Variants in ZSCAN25 observed in about 807,000 individuals in gnomAD.
The protein encoded by ZSCAN25 is zinc finger and SCAN domain containing 25.
ZSCAN25 carries 27 observed loss-of-function variants against 38.7 expected under a neutral mutation model. That is an observed-to-expected ratio of 0.70 (90% CI 0.51 to 0.96). The LOEUF (loss-of-function observed/expected upper bound fraction) is 0.96. Among genes scored for constraint, ZSCAN25 ranks in the 40% least tolerant of loss-of-function variants. The pLI is 0.00. For synonymous variants in ZSCAN25, 273 were observed against 277.7 expected (o/e 0.98, Z 0.17); for missense variants, 637 against 705.9 (o/e 0.90, Z 1.11).
chr7:99,629,597 G>A lies in ZSCAN25; in HGVS notation c.1212G>A (p.Val404=), dbSNP rs1392809625. The A allele has an allele frequency of 1.2e-6, 2 of 1,614,150 alleles. No homozygotes were observed. Among genetic ancestry groups the A allele is most frequent in the African/African-American group, 1.3e-5 (1 of 75,050 alleles). ...QRTHLGKRPY[V]CSECWKTFSQ... ...CCCACCTGGGAAAGAGGCCCTACGT[G>A]TGCAGCGAGTGCTGGAAAACCTTCA... is the stretch of plus-strand genomic sequence containing the variant. The change falls in exon 8 of 8, where the codon GTG becomes GTA. Residue 404 remains valine (V), a synonymous_variant. Transcript: ENST00000394152. The surrounding 1 kb of genome is among the most constrained non-coding windows in gnomAD (Gnocchi z 5.6).
the ZSCAN25 span, chr7:99,710,826 C>T: frequency 6.2e-7 from 1 of 1,613,858 alleles, no homozygotes; most frequent in Non-Finnish European, 8.5e-7. Flanking sequence ...GAGAACACTG[C>T]TCGTGGTTTC....
the ZSCAN25 span, among the ~76,000 whole-genome samples, chr7:99,664,999 T>C: frequency 0.03 from 4,506 of 152,242 alleles, 214 homozygotes; most frequent in African/African-American, 0.1. Context: ...GGGCTCTAGA[T>C]TGACAAAAAC....
chr7:99,631,977 C>T lies in ZSCAN25; in HGVS notation c.*1957C>T. 1.0e-6 allele frequency: 1 copy of T among 985,472 alleles called. No individual in the cohort carries two copies. The highest frequency in any genetic ancestry group is 1.7e-5 in the African/African-American group (1 of 57,350). The allele number at this position is 985,472 out of a possible 1,614,324, so 61.0% of individuals were successfully genotyped here. A position where few individuals can be genotyped will look rare whatever the true frequency, so the allele number is the denominator to read the frequency against. ...TGGGAGGCTTCTGGCCTGAGTGTGG[C>T]CTTCCCCAGAGGGTGGTTTTCCAAA... On this transcript the variant is annotated 3_prime_UTR_variant, in exon 8 of 8. Transcript: ENST00000394152.
the ZSCAN25 span, among the ~76,000 whole-genome samples, chr7:99,680,722 C>T: frequency 9.9e-5 from 15 of 152,184 alleles, no homozygotes; most frequent in Non-Finnish European, 1.5e-5. Flanking sequence ...GACTCAAATG[C>T]AGCCACACTG....
chr7:99,698,572 G>A, the ZSCAN25 span, among the ~76,000 whole-genome samples: 113,935 of 152,042 alleles, frequency 0.75, 46,281 homozygotes, highest in Non-Finnish European at 0.91. Flanking sequence ...AAACTGTCAG[G>A]CATGTATATT....
At chr7:99,668,791 A>G in the ZSCAN25 span, among the ~76,000 whole-genome samples, 1 of 152,222 alleles carries the variant, frequency 6.6e-6, no homozygotes, top group Non-Finnish European at 1.5e-5. Flanking sequence ...ATTTGTACGC[A>G]TGTGTGGCTT....
intron 7 of ZSCAN25, among the ~76,000 whole-genome samples, chr7:99,625,848 C>A (rs1262485731): frequency 6.6e-6 from 1 of 152,232 alleles, no homozygotes; most frequent in African/African-American, 2.4e-5. Flanking sequence ...AAGCCCATAC[C>A]TGAACATTTC....
At chr7:99,625,589 A>G (rs1807400442) in intron 7 of ZSCAN25, among the ~76,000 whole-genome samples, 1 of 152,210 alleles carries the variant, frequency 6.6e-6, no homozygotes, top group Non-Finnish European at 1.5e-5. Flanking sequence ...TGATTGCTGT[A>G]ACGGCAGAGG....
At chr7:99,686,967 C>T in the ZSCAN25 span, among the ~76,000 whole-genome samples, 3 of 152,342 alleles carry the variant, frequency 2.0e-5, no homozygotes, top group South Asian at 6.2e-4. Flanking sequence ...GCTGAGGGTC[C>T]TGTCAGAAGG....
chr7:99,663,170 A>G, the ZSCAN25 span: 1 of 1,144,800 alleles, frequency 8.7e-7, no homozygotes, highest in South Asian at 2.3e-5. Flanking sequence ...TTCTGGCCAA[A>G]GAGTTGCCGG....
chr7:99,671,589 CA>C, the ZSCAN25 span: 27 of 428,910 alleles, frequency 6.3e-5, no homozygotes, highest in African/African-American at 5.5e-4. Context: ...AATATTAACA[CA>C]AAATGGGTAA....
Position 99,621,520 on chromosome 7 carries a change from G to A in ZSCAN25, c.535G>A (p.Glu179Lys), listed in dbSNP as rs776413611. The change falls in exon 5 of 8, where the codon GAG (glutamate) becomes AAG (lysine). Residue 179 changes from glutamate (E) to lysine (K), a missense_variant. Glu to Lys is a moderately conservative substitution (Grantham distance 56, BLOSUM62 1). Transcript: ENST00000394152. ...AGTTCAAGGTCCAGACCCAGGTACC[G>A]AGGAGCAGCTCAGTCAGGACCCTGG... The part of the protein sequence containing the change: ...EGVQGPDPGT[E>K]EQLSQDPGDE... The A allele has an allele frequency of 7.7e-6, 12 of 1,560,632 alleles. No homozygotes were observed. The highest frequency in any genetic ancestry group is 1.0e-5 in the Non-Finnish European group (12 of 1,146,594).
chr7:99,688,861 GCT>G, the ZSCAN25 span, among the ~76,000 whole-genome samples: 1 of 152,056 alleles, frequency 6.6e-6, no homozygotes, highest in South Asian at 2.1e-4. Context: ...GGATTAAGAA[GCT>G]CACTCAAAAC....
the ZSCAN25 span, chr7:99,638,718 G>A: frequency 4.6e-6 from 6 of 1,302,532 alleles, no homozygotes; most frequent in African/African-American, 4.4e-5. Flanking sequence ...GCAACATGAG[G>A]ATCCACATTT....
At chr7:99,640,657 G>A in the ZSCAN25 span, among the ~76,000 whole-genome samples, 16 of 152,150 alleles carry the variant, frequency 1.1e-4, no homozygotes, top group African/African-American at 3.9e-4. Flanking sequence ...TTGAATTCCT[G>A]TCCTGCCTGT....
the ZSCAN25 span, among the ~76,000 whole-genome samples, chr7:99,697,747 C>A: frequency 6.6e-6 from 1 of 152,112 alleles, no homozygotes; most frequent in East Asian, 1.9e-4. Flanking sequence ...GTTTGGAGAT[C>A]CCAGCAGAGG....
At chr7:99,709,913 A>C in the ZSCAN25 span, among the ~76,000 whole-genome samples, 1 of 152,170 alleles carries the variant, frequency 6.6e-6, no homozygotes, top group East Asian at 1.9e-4. Flanking sequence ...GTCCCTTTCT[A>C]TCCCAAATAT....
chr7:99,693,814 G>T, the ZSCAN25 span, among the ~76,000 whole-genome samples: 1 of 152,220 alleles, frequency 6.6e-6, no homozygotes, highest in Non-Finnish European at 1.5e-5. Flanking sequence ...GGGAGCTGCA[G>T]ACTAGAGCTG....
the ZSCAN25 span, among the ~76,000 whole-genome samples, chr7:99,704,684 CTG>C: frequency 5.3e-5 from 8 of 152,140 alleles, no homozygotes; most frequent in East Asian, 1.5e-3. Flanking sequence ...TCAAATTGGG[CTG>C]GGCACCGTGG....
Sources: gnomAD v4.1 joint callset for allele counts (sites outside exome capture counted in the v4.1 genomes callset) on GRCh38, gnomAD v4.1.1 for gene constraint, Gnocchi (gnomAD v3.1) non-coding constraint, MANE v1.5 for transcripts, NCBI Gene and HGNC (gene_info 2026-07-23, HGNC 2026-07-21) for gene names.